The following RADIL variants were observed in gnomAD, a reference collection of about 807,000 sequenced individuals.
RADIL encodes Rap associating with DIL domain.
Under a neutral mutation model 97.6 loss-of-function variants are expected in RADIL, and 99 were observed. The observed-to-expected ratio is 1.01, with a 90% CI of 0.86 to 1.20. The LOEUF (loss-of-function observed/expected upper bound fraction) is 1.20, where lower values mean the gene tolerates loss of function less well. Among genes scored for constraint, RADIL ranks in the 50% most tolerant of loss-of-function variants. The pLI is 0.00. For missense variants in RADIL, 1,765 were observed against 1,498.9 expected, an observed-to-expected ratio of 1.18 and a Z score of -2.93; for synonymous variants, 803 against 691.8, an observed-to-expected ratio of 1.16 and a Z score of -2.52.
intron 11 of RADIL, among the ~76,000 whole-genome samples, chr7:4,802,848 T>TGGG (rs1332296420): frequency 2.5e-5 from 3 of 118,356 alleles, no homozygotes; most frequent in Admixed American, 7.9e-5. Context: ...GAATGCTGGC[T>TGGG]GGACCCCCTC....
chr7:4,799,649 G>T lies in RADIL; in HGVS notation c.3103C>A (p.Leu1035Met). The T allele has an allele frequency of 1.2e-6, 2 of 1,602,490 alleles. No individual in the cohort carries two copies. The highest frequency in any genetic ancestry group is 2.2e-5 in the East Asian group (1 of 44,490). The part of the protein sequence containing the change: ...RILEVNGSSL[L>M]GLGYLRAVDL... The stretch of plus-strand genomic sequence containing the variant: ...GGGTACCTCAGGTAGCCAAGGCCCA[G>T]GAGGCTGCTGCCATTCACCTCCAGG... The change falls in exon 14 of 15, where the codon CTG becomes ATG. Residue 1035 changes from leucine to methionine, a missense_variant. Leu to Met is a conservative substitution (Grantham distance 15, BLOSUM62 2). Coordinates refer to ENST00000399583, the MANE Select transcript of RADIL (RefSeq NM_018059.5).
chr7:4,805,424 G>T (rs1031483339), intron 10 of RADIL, 142 bp downstream of exon 10: 3 of 1,074,024 alleles, frequency 2.8e-6, no homozygotes, highest in African/African-American at 3.2e-5. Flanking sequence ...GGGTCCTCTG[G>T]GTGGAGGCTC....
At chr7:4,812,752 T>A (rs1168146396) in intron 9 of RADIL, among the ~76,000 whole-genome samples, 1 of 152,180 alleles carries the variant, frequency 6.6e-6, no homozygotes, top group Non-Finnish European at 1.5e-5. Context: ...AACCCACTCC[T>A]GGCTTTATTG....
intron 9 of RADIL, chr7:4,806,174 G>C (rs535182071): frequency 2.0e-5 from 13 of 661,844 alleles, no homozygotes; most frequent in Admixed American, 6.3e-5. Flanking sequence ...TTTTGAGACA[G>C]AGTCTCATGC....
rs1025588352 is a variant in RADIL, at chr7:4,879,367, C to A, written c.-64-1164G>T. Among the ~76,000 whole-genome samples, 3 of 152,214 alleles carry A rather than the reference C, an allele frequency of 2.0e-5. No individual in the cohort carries two copies. The highest frequency in any genetic ancestry group is 2.9e-5 in the Non-Finnish European group (2 of 68,034). On this transcript the variant is annotated intron_variant, in intron 1 of 14. Coordinates refer to ENST00000399583, the MANE Select transcript of RADIL (RefSeq NM_018059.5). The surrounding 1 kb of genome is among the most constrained non-coding windows in gnomAD (Gnocchi z 4.1). Reference sequence around the variant, plus strand: ...GGCAGAGAAAAAGGAAGGCAGGTCTCCGATTTGGAAAAGGTGAGGCTGGAC... The same window carrying A: ...GGCAGAGAAAAAGGAAGGCAGGTCTACGATTTGGAAAAGGTGAGGCTGGAC...
In RADIL at chr7:4,817,129, C is replaced by T; in HGVS notation, c.1728+110G>A. ...CTGATGAAGTGGAGCTTGTCACGGTCCCCTCCCTCAGCCCCCCAGAAGGCT... is the reference window on the plus strand; with the variant it reads ...CTGATGAAGTGGAGCTTGTCACGGTTCCCTCCCTCAGCCCCCCAGAAGGCT... On this transcript the variant is annotated intron_variant, in intron 7 of 14. Coordinates refer to ENST00000399583, the MANE Select transcript of RADIL (RefSeq NM_018059.5). The surrounding 1 kb of genome is among the most constrained non-coding windows in gnomAD (Gnocchi z 8.3). The T allele has an allele frequency of 4.4e-6, 4 of 910,394 alleles. No individual in the cohort carries two copies. The highest frequency in any genetic ancestry group is 3.3e-5 in the South Asian group (2 of 61,514). 56.4% of individuals were successfully genotyped at this position (910,394 alleles called of 1,614,324 possible).
chr7:4,859,922 T>C (rs1002692978), intron 2 of RADIL: 1 of 1,612,112 alleles, frequency 6.2e-7, no homozygotes, highest in African/African-American at 1.3e-5. Flanking sequence ...TGTTTGTTGC[T>C]GAGTTTCCTG....
rs1272594736 is a variant in RADIL, at chr7:4,835,248, G to C, written c.784-9C>G. The C allele has an allele frequency of 6.2e-7, 1 of 1,606,834 alleles. No individual in the cohort carries two copies. Among genetic ancestry groups the C allele is most frequent in the Non-Finnish European group, 8.5e-7 (1 of 1,179,688 alleles). ...ACATACACCAGGCTGTCCTGAAACA[G>C]AGACTCCGCTCAGGGCAGGCGTAAC... is the stretch of plus-strand genomic sequence containing the variant. On this transcript the variant is annotated splice_polypyrimidine_tract_variant and intron_variant, in intron 3 of 14. Coordinates refer to ENST00000399583, the MANE Select transcript of RADIL (RefSeq NM_018059.5). This position sits in a 1 kb window ranked among gnomAD's most constrained non-coding sequence, Gnocchi z 5.8.
At chr7:4,877,509 A>T in intron 2 of RADIL, 96 bp downstream of exon 2, 1 of 1,374,808 alleles carries the variant, frequency 7.3e-7, no homozygotes, top group Non-Finnish European at 9.8e-7. Flanking sequence ...AGCCCGCCCC[A>T]CGCATGTCCC....
rs982190651 is a variant in RADIL at position 4,818,451 on chromosome 7, G to A, written c.1616-1100C>T. Among the ~76,000 whole-genome samples, 5 of 152,150 alleles carry A rather than the reference G, an allele frequency of 3.3e-5. No individual in the cohort carries two copies. Among genetic ancestry groups the A allele is most frequent in the African/African-American group, 1.2e-4 (5 of 41,448 alleles). ...GGGCTGCCTGGCCCCCACCCACCAA[G>A]CCCGCTCCCCAAGAACCTGTGAAGC... On this transcript the variant is annotated intron_variant, in intron 6 of 14. Coordinates refer to ENST00000399583, the MANE Select transcript of RADIL (RefSeq NM_018059.5). The surrounding 1 kb of genome is among the most constrained non-coding windows in gnomAD (Gnocchi z 7.1).
Position 4,836,568 on chromosome 7 carries a change from G to T in RADIL, c.573C>A (p.Arg191=). The T allele has an allele frequency of 1.2e-6, 2 of 1,607,686 alleles. No individual in the cohort carries two copies. Among genetic ancestry groups the T allele is most frequent in the East Asian group, 2.2e-5 (1 of 44,850 alleles). ...GGGCCGGGGTCGGGGTTCCCTTCGC[G>T]CGACTCCGCTGCAGCCTCCGGGCCT... ...NAQARRLQRS[R]AKGTPTPALG... Residue 191 remains arginine (R), a synonymous_variant, in exon 3 of 15, where the codon CGC becomes CGA. Coordinates refer to ENST00000399583, the MANE Select transcript of RADIL (RefSeq NM_018059.5).
intron 9 of RADIL, among the ~76,000 whole-genome samples, chr7:4,807,547 GTCTC>G (rs1782355730): frequency 1.8e-5 from 1 of 54,792 alleles, no homozygotes; most frequent in Non-Finnish European, 3.3e-5. Flanking sequence ...CTCTCCCTCT[GTCTC>G]CCCTCCCTCC....
At position 4,798,721 on chromosome 7, in the gene RADIL, C is replaced by T. The variant is rs1781983590; in HGVS notation, c.*657G>A. ...GTGGCTTTAGTAGGGGAGAGGAACT[C>T]AGGAGGGAGCAGGAGTCCTGGGAGA... On this transcript the variant is annotated 3_prime_UTR_variant, in exon 15 of 15. Transcript: ENST00000399583. 6.6e-6 allele frequency: 1 copy of T among 152,664 alleles called. No individual in the cohort carries two copies. Among genetic ancestry groups the T allele is most frequent in the Admixed American group, 6.5e-5 (1 of 15,294 alleles). The allele number at this position is 152,664 out of a possible 1,614,324, so 9.5% of individuals were successfully genotyped here. A position where few individuals can be genotyped will look rare whatever the true frequency, so the allele number is the denominator to read the frequency against.
chr7:4,836,309 C>T (rs1390397914), intron 3 of RADIL, 49 bp downstream of exon 3: 4 of 1,552,904 alleles, frequency 2.6e-6, no homozygotes, highest in East Asian at 2.4e-5. Flanking sequence ...GTCCCGCCTG[C>T]TGTCCCTGCA....
rs140952455 is a variant in RADIL at position 4,812,691 on chromosome 7, G to A, written c.2139+2587C>T. On this transcript the variant is annotated intron_variant, in intron 9 of 14. Transcript: ENST00000399583. ...CCTGCCTCAGCCTCCCAAAGTGCTG[G>A]CATTACAGGTGTAAGCCACCACACC... is the stretch of plus-strand genomic sequence containing the variant. Among the ~76,000 whole-genome samples the A allele has an allele frequency of 7.0e-4, 107 of 152,246 alleles. 2 individuals carry two copies. In the East Asian group the frequency reaches 0.016, roughly 22 times the overall value.
chr7:4,799,262 C>A lies in RADIL; in HGVS notation c.*116G>T. The A allele has an allele frequency of 2.2e-6, 2 of 906,074 alleles. No individual in the cohort carries two copies. The highest frequency in any genetic ancestry group is 1.6e-5 in the African/African-American group (1 of 61,000). 56.1% of individuals were successfully genotyped at this position (906,074 alleles called of 1,614,324 possible). On this transcript the variant is annotated 3_prime_UTR_variant, in exon 15 of 15. Coordinates refer to ENST00000399583, the MANE Select transcript of RADIL (RefSeq NM_018059.5). ...CAACAGGCATGTCCCCAGGGTGAGG[C>A]TCCCCACCCGGGACCCAACTTGGTC...
chr7:4,865,136 T>C (rs1420492331), intron 2 of RADIL, among the ~76,000 whole-genome samples: 3 of 152,250 alleles, frequency 2.0e-5, no homozygotes, highest in Non-Finnish European at 2.9e-5. Flanking sequence ...GCTCTCTACC[T>C]GGTTGGTGTG....
chr7:4,829,127 C>A (rs1209605528), intron 5 of RADIL, among the ~76,000 whole-genome samples: 3 of 152,122 alleles, frequency 2.0e-5, no homozygotes, highest in Non-Finnish European at 2.9e-5. Context: ...CTCCTCAACA[C>A]TGAAAGCCCA....
At position 4,814,802 on chromosome 7, in the gene RADIL, T is replaced by C. The variant is rs1253146824; in HGVS notation, c.2139+476A>G. ...AATTCAGTTCCTGTGGTTGTAGGAC[T>C]GGGGTCCCGTTTCCAGACTGGCTGT... On this transcript the variant is annotated intron_variant, in intron 9 of 14. Transcript: ENST00000399583. The surrounding 1 kb of genome is among the most constrained non-coding windows in gnomAD (Gnocchi z 4.5). Among the ~76,000 whole-genome samples, 3 of 152,234 alleles carry C rather than the reference T, an allele frequency of 2.0e-5. No homozygotes were observed. Among genetic ancestry groups the C allele is most frequent in the Non-Finnish European group, 4.4e-5 (3 of 68,048 alleles).
Sources: gnomAD v4.1 joint callset for allele counts (sites outside exome capture counted in the v4.1 genomes callset) on GRCh38, gnomAD v4.1.1 for gene constraint, Gnocchi (gnomAD v3.1) non-coding constraint, MANE v1.5 for transcripts, NCBI Gene and HGNC (gene_info 2026-07-23, HGNC 2026-07-21) for gene names.